The following LCLAT1 variants were observed in gnomAD, a reference collection of about 807,000 sequenced individuals.
LCLAT1 encodes the protein 1-AGP acyltransferase 8.
A neutral mutation model predicts 30.7 loss-of-function variants in LCLAT1; 11 were observed. The observed-to-expected ratio is 0.36, with a 90% CI of 0.23 to 0.59. The LOEUF is 0.59. LCLAT1 is among the 20% of genes least tolerant of loss of function. The pLI is 0.77. For missense variants in LCLAT1, 402 were observed against 458.6 expected (o/e 0.88, Z 1.13); for synonymous variants, 155 against 151.3 (o/e 1.02, Z -0.18).
intron 5 of LCLAT1, among the ~76,000 whole-genome samples, chr2:30,612,624 C>G (rs1667792417): frequency 6.6e-6 from 1 of 152,196 alleles, no homozygotes; most frequent in African/African-American, 2.4e-5. Flanking sequence ...TACAGAGTAT[C>G]TAAGGCTTGG....
intron 1 of LCLAT1, among the ~76,000 whole-genome samples, chr2:30,474,401 T>A (rs780294930): frequency 2.0e-5 from 3 of 152,190 alleles, no homozygotes; most frequent in Non-Finnish European, 4.4e-5. Context: ...TTACTGTGAC[T>A]TGCAGTGAGT....
chr2:30,489,588 G>A (rs1305701372), intron 1 of LCLAT1, among the ~76,000 whole-genome samples: 2 of 152,106 alleles, frequency 1.3e-5, no homozygotes, highest in African/African-American at 2.4e-5. Context: ...TCCTGACCTC[G>A]TGATCTGCCC....
chr2:30,453,364 C>G (rs1314334227), intron 1 of LCLAT1, among the ~76,000 whole-genome samples: 2 of 152,216 alleles, frequency 1.3e-5, no homozygotes, highest in Non-Finnish European at 2.9e-5. Context: ...GACAGGGACT[C>G]TTCCCCCACT....
rs1665595969 is a variant in LCLAT1 at position 30,568,285 on chromosome 2, G to C, written c.628+109G>C. On this transcript the variant is annotated intron_variant, in intron 5 of 5. Transcript: ENST00000379509. ...AGGATTTTTTACTACTTTGTCTCAAGAAATGAGATATTGTATTTTTATTCC... is the reference window on the plus strand; with the variant it reads ...AGGATTTTTTACTACTTTGTCTCAACAAATGAGATATTGTATTTTTATTCC... The C allele has an allele frequency of 4.7e-5, 27 of 570,216 alleles. 1 individual carries two copies. In the South Asian group the frequency reaches 7.5e-4, roughly 16 times the overall value. 35.3% of individuals were successfully genotyped at this position (570,216 alleles called of 1,614,324 possible).
Position 30,464,222 on chromosome 2 carries a change from G to A in LCLAT1, c.-5+16839G>A, listed in dbSNP as rs114121964. On this transcript the variant is annotated intron_variant, in intron 1 of 5. Coordinates refer to ENST00000379509, the MANE Select transcript of LCLAT1 (RefSeq NM_001002257.3). ...CCCTTTTTTTTTAGTGTTCATTTTT[G>A]TATGTGACTCTTGATTCTTGGCCCA... is the stretch of plus-strand genomic sequence containing the variant. Among the ~76,000 whole-genome samples the A allele has an allele frequency of 9.3e-3, 1,415 of 151,662 alleles. 23 individuals carry two copies. Among genetic ancestry groups the A allele is most frequent in the African/African-American group, 0.032 (1,332 of 41,328 alleles).
At chr2:30,570,064 C>G (rs1205022072) in intron 5 of LCLAT1, among the ~76,000 whole-genome samples, 1 of 152,056 alleles carries the variant, frequency 6.6e-6, no homozygotes, top group African/African-American at 2.4e-5. Flanking sequence ...TTTAATGATT[C>G]CTTTAAAGGT....
chr2:30,525,856 C>A, intron 2 of LCLAT1, 101 bp downstream of exon 2: 2 of 981,444 alleles, frequency 2.0e-6, no homozygotes, highest in Admixed American at 2.1e-5. Context: ...ACAGTATTTG[C>A]ACATATCCTA....
At chr2:30,475,824 G>A (rs1414972100) in intron 1 of LCLAT1, among the ~76,000 whole-genome samples, 1 of 152,156 alleles carries the variant, frequency 6.6e-6, no homozygotes, top group Non-Finnish European at 1.5e-5. Flanking sequence ...AAATCTCAAG[G>A]AACATTCTAA....
At chr2:30,467,710 G>T (rs1226449112) in intron 1 of LCLAT1, among the ~76,000 whole-genome samples, 1 of 152,166 alleles carries the variant, frequency 6.6e-6, no homozygotes, top group Non-Finnish European at 1.5e-5. Flanking sequence ...ATTTTTTCAT[G>T]TGTCTGTTGG....
chr2:30,503,210 G>A (rs1007426631), intron 1 of LCLAT1, among the ~76,000 whole-genome samples: 1 of 152,088 alleles, frequency 6.6e-6, no homozygotes, highest in African/African-American at 2.4e-5. Context: ...GGGCAGCTAG[G>A]GATTGCTTTC....
chr2:30,453,159 C>T (rs1018950425), intron 1 of LCLAT1, among the ~76,000 whole-genome samples: 4 of 152,108 alleles, frequency 2.6e-5, no homozygotes, highest in Non-Finnish European at 5.9e-5. Context: ...TTCATTCCCT[C>T]GGGAGAACTC....
chr2:30,543,038 G>A (rs767494968), intron 3 of LCLAT1, among the ~76,000 whole-genome samples: 1 of 149,290 alleles, frequency 6.7e-6, no homozygotes, highest in Non-Finnish European at 1.5e-5. Flanking sequence ...CATCCTTGCC[G>A]TGTCCCTGAT....
chr2:30,509,174 A>G (rs1333100466), intron 1 of LCLAT1, among the ~76,000 whole-genome samples: 1 of 152,152 alleles, frequency 6.6e-6, no homozygotes, highest in Admixed American at 6.5e-5. Flanking sequence ...TTGGGCCAAG[A>G]CTTTGGGTTT....
intron 5 of LCLAT1, among the ~76,000 whole-genome samples, chr2:30,583,095 G>A (rs1666274951): frequency 6.6e-6 from 1 of 151,974 alleles, no homozygotes; most frequent in South Asian, 2.1e-4. Flanking sequence ...TAAAGTGTTG[G>A]CACACAAGTT....
intron 1 of LCLAT1, 56 bp from the exon 2 acceptor site, chr2:30,525,531 G>A: frequency 1.5e-6 from 2 of 1,353,168 alleles, no homozygotes; most frequent in Non-Finnish European, 2.1e-6. Flanking sequence ...TCCTGAAATT[G>A]AATTCGAGCC....
intron 5 of LCLAT1, among the ~76,000 whole-genome samples, chr2:30,595,212 T>TGTTA (rs1257587031): frequency 6.6e-6 from 1 of 152,162 alleles, no homozygotes; most frequent in Non-Finnish European, 1.5e-5. Flanking sequence ...CTCTGTAATA[T>TGTTA]GTTATTACTG....
Position 30,600,688 on chromosome 2 carries a change from C to T in LCLAT1, c.628+32512C>T, listed in dbSNP as rs149278625. On this transcript the variant is annotated intron_variant, in intron 5 of 5. Transcript: ENST00000379509. ...CCTTCCCCTTAGTAGGTGGCCTGGC[C>T]TCTCTTTCTGGCTGCCCTTATCATT... Among the ~76,000 whole-genome samples, 987 of 152,134 alleles carry T rather than the reference C, an allele frequency of 6.5e-3. 7 individuals are homozygous for T. Among genetic ancestry groups the T allele is most frequent in the Middle Eastern group, 0.024 (7 of 294 alleles).
intron 5 of LCLAT1, among the ~76,000 whole-genome samples, chr2:30,628,708 AG>A (rs1668629809): frequency 2.6e-5 from 4 of 152,212 alleles, no homozygotes; most frequent in Non-Finnish European, 4.4e-5. Context: ...TTGGTATTTC[AG>A]TACAAGGAGA....
intron 2 of LCLAT1, among the ~76,000 whole-genome samples, chr2:30,528,053 G>C (rs1282122058): frequency 6.6e-6 from 1 of 152,152 alleles, no homozygotes; most frequent in East Asian, 1.9e-4. Context: ...ATTTGGTCAA[G>C]ACTGGGTCAC....
Sources: gnomAD v4.1 joint callset for allele counts (sites outside exome capture counted in the v4.1 genomes callset) on GRCh38, gnomAD v4.1.1 for gene constraint, MANE v1.5 for transcripts, NCBI Gene and HGNC (gene_info 2026-07-23, HGNC 2026-07-21) for gene names.